FAM184A: variants seen among roughly 807,000 people sequenced by gnomAD.
FAM184A encodes family with sequence similarity 184 member A.
FAM184A carries 99 observed loss-of-function variants against 143.8 expected under a neutral mutation model. That is an observed-to-expected ratio of 0.69 (90% CI 0.58 to 0.81). The LOEUF (loss-of-function observed/expected upper bound fraction) is 0.81, where lower values mean the gene tolerates loss of function less well. Among genes scored for constraint, FAM184A ranks in the 40% least tolerant of loss-of-function variants. The pLI is 0.00. For missense variants in FAM184A, 1,217 were observed against 1,310.5 expected (o/e 0.93, Z 1.10); for synonymous variants, 427 against 446.4 (o/e 0.96, Z 0.55).
At position 119,078,128 on chromosome 6, in the gene FAM184A, C is replaced by T; in HGVS notation, c.159+13G>A. ...CACGGGGTCGCCACCTGCCCCGTCG[C>T]TGCCCCCCTTACCTTGGTGAGCTGG... On this transcript the variant is annotated intron_variant, in intron 1 of 17. Coordinates refer to ENST00000338891, the MANE Select transcript of FAM184A (RefSeq NM_024581.6). This position sits in a 1 kb window ranked among gnomAD's most constrained non-coding sequence, Gnocchi z 5.5. 6.3e-7 allele frequency: 1 copy of T among 1,577,964 alleles called. No individual in the cohort carries two copies. The highest frequency in any genetic ancestry group is 8.6e-7 in the Non-Finnish European group (1 of 1,164,984).
chr6:119,106,158 C>T (rs952994914), intron 1 of FAM184A, among the ~76,000 whole-genome samples: 1 of 152,062 alleles, frequency 6.6e-6, no homozygotes, highest in East Asian at 1.9e-4. Flanking sequence ...TTTGGGAGGC[C>T]GAGGCGGGCG....
At chr6:119,090,795 G>C (rs926074383) in intron 1 of FAM184A, among the ~76,000 whole-genome samples, 2 of 152,090 alleles carry the variant, frequency 1.3e-5, no homozygotes, top group African/African-American at 4.8e-5. Flanking sequence ...TATTTGGTTG[G>C]TGGGGAGATC....
chr6:119,061,381 G>C (rs1480100670), intron 1 of FAM184A, among the ~76,000 whole-genome samples: 3 of 151,796 alleles, frequency 2.0e-5, no homozygotes, highest in Non-Finnish European at 4.4e-5. Flanking sequence ...ATAGAGACAA[G>C]GTCACACTGT....
Position 119,129,773 on chromosome 6 carries a change from A to AT in FAM184A, c.-202+19304dup, listed in dbSNP as rs1236410042. Among the ~76,000 whole-genome samples the AT allele has an allele frequency of 3.9e-5, 6 of 152,014 alleles. No homozygotes were observed. In the East Asian group the frequency reaches 7.7e-4, roughly 20 times the overall value. ...TTTTAACTTATTTGCATAAAAGACT[A>AT]TTTTTTAGAGCAATTTTAGGTTCAC... On this transcript the variant is annotated intron_variant, in intron 1 of 16. Coordinates refer to the FAM184A transcript ENST00000352896.
chr6:119,057,264 A>G (rs945192930), intron 1 of FAM184A, among the ~76,000 whole-genome samples: 1 of 152,222 alleles, frequency 6.6e-6, no homozygotes, highest in Admixed American at 6.5e-5. Context: ...AAGACTGGGA[A>G]GTGTCTAAGC....
chr6:118,994,618 G>A (rs938378323), intron 9 of FAM184A, among the ~76,000 whole-genome samples: 8 of 151,608 alleles, frequency 5.3e-5, no homozygotes, highest in African/African-American at 4.8e-5. Context: ...CCCGGGAGGC[G>A]GAGGTTGCAG....
At chr6:119,084,517 C>G (rs2114811283) in intron 1 of FAM184A, among the ~76,000 whole-genome samples, 1 of 152,362 alleles carries the variant, frequency 6.6e-6, no homozygotes, top group Middle Eastern at 3.4e-3. Context: ...TCAGGCCCCA[C>G]AGTTGCTCTC....
chr6:119,121,364 T>G (rs1789207892), intron 1 of FAM184A, among the ~76,000 whole-genome samples: 1 of 152,184 alleles, frequency 6.6e-6, no homozygotes, highest in Non-Finnish European at 1.5e-5. Context: ...CTCAAACTCT[T>G]GAGCTCAAGC....
intron 1 of FAM184A, among the ~76,000 whole-genome samples, chr6:119,137,997 G>A (rs929125218): frequency 1.3e-5 from 2 of 152,198 alleles, no homozygotes; most frequent in Non-Finnish European, 2.9e-5. Context: ...CCCTAGCTCC[G>A]GCACTTAGAC....
At chr6:119,140,879 T>G (rs1772211711) in intron 1 of FAM184A, among the ~76,000 whole-genome samples, 1 of 152,230 alleles carries the variant, frequency 6.6e-6, no homozygotes, top group African/African-American at 2.4e-5. Flanking sequence ...ACGCTAGAAT[T>G]GATTCACTAG....
chr6:119,115,421 G>T (rs1360004550), intron 1 of FAM184A, among the ~76,000 whole-genome samples: 1 of 152,204 alleles, frequency 6.6e-6, no homozygotes, highest in East Asian at 1.9e-4. Context: ...ACTGGGCGAG[G>T]TGGCTCATGC....
intron 15 of FAM184A, among the ~76,000 whole-genome samples, chr6:118,966,447 G>A (rs1433433927): frequency 6.6e-6 from 1 of 152,090 alleles, no homozygotes; most frequent in Non-Finnish European, 1.5e-5. Flanking sequence ...TGCTCAACCT[G>A]TTAGTGTACA....
chr6:118,989,458 CTTTT>C (rs1415171374), intron 9 of FAM184A, among the ~76,000 whole-genome samples: 1 of 116,996 alleles, frequency 8.5e-6, no homozygotes, highest in Non-Finnish European at 2.1e-5. Context: ...ATGCAATTTT[CTTTT>C]GTTTCCATTT....
At chr6:118,975,230 T>G (rs775253327) in intron 12 of FAM184A, 22 bp from the exon 13 acceptor site, 45 of 1,451,840 alleles carry the variant, frequency 3.1e-5, no homozygotes, top group Non-Finnish European at 4.2e-5. Flanking sequence ...AAAAAGTCAT[T>G]TTTAGAAGTT....
chr6:119,057,366 A>G (rs111285707), intron 1 of FAM184A, among the ~76,000 whole-genome samples: 23 of 152,336 alleles, frequency 1.5e-4, no homozygotes, highest in African/African-American at 5.5e-4. Flanking sequence ...ACTACCATAT[A>G]TCTAAGAATT....
At chr6:119,017,519 G>C (rs914304229) in intron 4 of FAM184A, among the ~76,000 whole-genome samples, 1 of 151,458 alleles carries the variant, frequency 6.6e-6, no homozygotes, top group Non-Finnish European at 1.5e-5. Context: ...AAAGAGTAAA[G>C]GGCTTCCTTT....
chr6:118,996,259 T>G (rs985188501), intron 9 of FAM184A, among the ~76,000 whole-genome samples: 4 of 152,206 alleles, frequency 2.6e-5, no homozygotes, highest in Admixed American at 6.5e-5. Flanking sequence ...GGATATAATG[T>G]AGCCAAAGTA....
At chr6:119,079,164 C>G (rs1207510542), upstream of FAM184A, 1 of 152,360 alleles carries the variant, frequency 6.6e-6, no homozygotes, top group East Asian at 1.9e-4. Context: ...GACCTTCCTT[C>G]CAATGGCACA....
intron 1 of FAM184A, among the ~76,000 whole-genome samples, chr6:119,046,199 G>T (rs1235035890): frequency 6.6e-6 from 1 of 151,494 alleles, no homozygotes; most frequent in East Asian, 1.9e-4. Context: ...TAAGATAAAA[G>T]TTGTGGTCAT....
Sources: allele counts gnomAD v4.1 joint callset (sites outside exome capture counted in the v4.1 genomes callset), GRCh38; gene constraint gnomAD v4.1.1; non-coding constraint Gnocchi (gnomAD v3.1); transcripts MANE v1.5; gene names NCBI Gene and HGNC (gene_info 2026-07-23, HGNC 2026-07-21).